FNDC3A: variants seen among roughly 807,000 people sequenced by gnomAD.
The protein encoded by FNDC3A is fibronectin type-III domain-containing protein 3A.
A neutral mutation model predicts 148.9 loss-of-function variants in FNDC3A; 32 were observed. The observed-to-expected ratio is 0.21, with a 90% CI of 0.16 to 0.29. The LOEUF (loss-of-function observed/expected upper bound fraction) is 0.29, where lower values mean the gene tolerates loss of function less well. FNDC3A is among the 10% of genes least tolerant of loss of function. FNDC3A has a pLI of 1.00. For synonymous variants in FNDC3A, 472 were observed against 473.6 expected, an observed-to-expected ratio of 1.00 and a Z score of 0.04; for missense variants, 1,191 against 1,452.8, an observed-to-expected ratio of 0.82 and a Z score of 2.93.
chr13:49,073,515 C>T (rs1301272363), intron 2 of FNDC3A, among the ~76,000 whole-genome samples: 2 of 151,744 alleles, frequency 1.3e-5, no homozygotes, highest in Non-Finnish European at 2.9e-5. Flanking sequence ...CCTCATCTGA[C>T]AGGTCATATG....
chr13:49,138,362 C>A (rs1413772426), intron 6 of FNDC3A, among the ~76,000 whole-genome samples: 6 of 151,982 alleles, frequency 3.9e-5, no homozygotes, highest in Non-Finnish European at 8.8e-5. Context: ...ATAACTAAGG[C>A]ATGTCATGAA....
At chr13:49,191,495 A>G (rs954261028) in intron 19 of FNDC3A, 111 bp downstream of exon 19, 9 of 770,902 alleles carry the variant, frequency 1.2e-5, no homozygotes, top group African/African-American at 1.1e-4. Flanking sequence ...TATGACTCCA[A>G]ATTTTACAAT....
At chr13:49,140,575 T>G (rs530928188) in intron 7 of FNDC3A, among the ~76,000 whole-genome samples, 1 of 152,334 alleles carries the variant, frequency 6.6e-6, no homozygotes, top group South Asian at 2.1e-4. Context: ...TTTGCTTGCT[T>G]GTTTTTGTGT....
At chr13:48,981,985 C>G (rs550325973) in intron 1 of FNDC3A, among the ~76,000 whole-genome samples, 25 of 152,176 alleles carry the variant, frequency 1.6e-4, no homozygotes, top group African/African-American at 6.0e-4. Context: ...CCGACAGACA[C>G]ATAATTTGGG....
chr13:49,080,665 A>C (rs1460709971), intron 3 of FNDC3A, among the ~76,000 whole-genome samples: 7 of 152,226 alleles, frequency 4.6e-5, no homozygotes, highest in African/African-American at 1.7e-4. Flanking sequence ...TTTTATATTA[A>C]TAGATCTTTG....
chr13:49,100,210 C>T (rs1269481947), intron 3 of FNDC3A, among the ~76,000 whole-genome samples: 1 of 151,840 alleles, frequency 6.6e-6, no homozygotes, highest in Non-Finnish European at 1.5e-5. Flanking sequence ...TTTTATTTTT[C>T]GATAGATTTT....
At chr13:49,186,452 C>G (rs1230733606) in intron 15 of FNDC3A, among the ~76,000 whole-genome samples, 1 of 152,210 alleles carries the variant, frequency 6.6e-6, no homozygotes, top group Non-Finnish European at 1.5e-5. Flanking sequence ...GAGCACCTAC[C>G]TACATACCTA....
At chr13:49,114,805 G>A in intron 4 of FNDC3A, 74 bp downstream of exon 4, 1 of 1,071,842 alleles carries the variant, frequency 9.3e-7, no homozygotes. Flanking sequence ...CTTTGATTTT[G>A]ATTTAAAAAA....
chr13:49,110,198 A>C, intron 3 of FNDC3A: 1 of 469,612 alleles, frequency 2.1e-6, no homozygotes, highest in Non-Finnish European at 3.7e-6. Flanking sequence ...GCAAGCGGGA[A>C]CGTTTGCTTT....
intron 13 of FNDC3A, among the ~76,000 whole-genome samples, chr13:49,178,367 T>C (rs1281444414): frequency 6.6e-6 from 1 of 152,232 alleles, no homozygotes; most frequent in African/African-American, 2.4e-5. Context: ...CTGCTTCATC[T>C]TCTACCAAAT....
intron 14 of FNDC3A, among the ~76,000 whole-genome samples, chr13:49,183,728 T>C (rs1885420079): frequency 6.6e-6 from 1 of 152,182 alleles, no homozygotes; most frequent in South Asian, 2.1e-4. Context: ...TGAAAATCCA[T>C]GTGACTGTGA....
chr13:49,089,374 A>G (rs1444300426), intron 3 of FNDC3A, among the ~76,000 whole-genome samples: 1 of 152,190 alleles, frequency 6.6e-6, no homozygotes, highest in African/African-American at 2.4e-5. Flanking sequence ...AGGACAATGA[A>G]TATGATGAAT....
At chr13:49,144,897 A>G (rs1555297146) in intron 7 of FNDC3A, among the ~76,000 whole-genome samples, 1 of 152,144 alleles carries the variant, frequency 6.6e-6, no homozygotes, top group Non-Finnish European at 1.5e-5. Flanking sequence ...GCACCTGTAT[A>G]TTGAGGAAAT....
chr13:49,064,384 T>C (rs1378266099), intron 2 of FNDC3A, among the ~76,000 whole-genome samples: 1 of 133,904 alleles, frequency 7.5e-6, no homozygotes, highest in Non-Finnish European at 1.6e-5. Context: ...CTGATAAATA[T>C]AGAAATATTG....
intron 2 of FNDC3A, chr13:49,045,017 G>C (rs941790764): frequency 1.6e-5 from 5 of 306,708 alleles, no homozygotes; most frequent in Non-Finnish European, 3.1e-5. Context: ...GCTCTCATAA[G>C]ATTTCTCCTT....
In FNDC3A at chr13:49,006,396, C is replaced by A; in HGVS notation, c.99+107C>A. On this transcript the variant is annotated intron_variant, in intron 2 of 25. Coordinates refer to ENST00000492622, the MANE Select transcript of FNDC3A (RefSeq NM_001079673.2). ...TTCCTGTTAATTCGTGTTTTAAATTCCCAATTCAAAATGTTGTTCAGTTTT... is the reference window on the plus strand; with the variant it reads ...TTCCTGTTAATTCGTGTTTTAAATTACCAATTCAAAATGTTGTTCAGTTTT... 6.0e-6 allele frequency: 3 copies of A among 499,854 alleles called. No individual in the cohort carries two copies. The Middle Eastern group carries it at 1.1e-3, about 183-fold the overall frequency. The allele number at this position is 499,854 out of a possible 1,614,324, so 31.0% of individuals were successfully genotyped here.
At chr13:49,158,538 A>T (rs1165079054) in intron 8 of FNDC3A, among the ~76,000 whole-genome samples, 2 of 152,054 alleles carry the variant, frequency 1.3e-5, no homozygotes, top group African/African-American at 4.8e-5. Context: ...GCCATCTTCG[A>T]TTGCAAAAAT....
intron 2 of FNDC3A, among the ~76,000 whole-genome samples, chr13:49,033,252 T>C (rs974263435): frequency 6.6e-6 from 1 of 152,232 alleles, no homozygotes; most frequent in African/African-American, 2.4e-5. Context: ...CTGGATTATC[T>C]AGAAGCAGAT....
At chr13:49,005,913 G>A (rs758590985) in intron 1 of FNDC3A, among the ~76,000 whole-genome samples, 5 of 151,790 alleles carry the variant, frequency 3.3e-5, no homozygotes, top group South Asian at 2.1e-4. Flanking sequence ...GCTGATATTC[G>A]CTTTAATATA....
Sources: allele counts gnomAD v4.1 joint callset (sites outside exome capture counted in the v4.1 genomes callset), GRCh38; gene constraint gnomAD v4.1.1; transcripts MANE v1.5; gene names NCBI Gene and HGNC (gene_info 2026-07-23, HGNC 2026-07-21).